NRXN3: variants seen among roughly 807,000 people sequenced by gnomAD.
NRXN3 encodes neurexin 3.
Under a neutral mutation model 137.6 loss-of-function variants are expected in NRXN3, and 32 were observed. That is an observed-to-expected ratio of 0.23 (90% CI 0.18 to 0.31). NRXN3 has a LOEUF of 0.31. NRXN3 is among the 10% of genes least tolerant of loss of function. The pLI is 1.00. For synonymous variants in NRXN3, 798 were observed against 784.5 expected (o/e 1.02, Z -0.29); for missense variants, 1,574 against 2,062.5 (o/e 0.76, Z 4.59).
chr14:79,462,652 C>T (rs1048907146), intron 15 of NRXN3, among the ~76,000 whole-genome samples: 18 of 150,400 alleles, frequency 1.2e-4, no homozygotes, highest in South Asian at 4.2e-4. Context: ...TATATATATA[C>T]ACACACACAC....
intron 4 of NRXN3, among the ~76,000 whole-genome samples, chr14:78,416,123 A>G (rs1410850758): frequency 2.0e-5 from 3 of 152,186 alleles, no homozygotes; most frequent in Non-Finnish European, 4.4e-5. Flanking sequence ...AATGGCATGC[A>G]TGTACTTGAA....
intron 1 of NRXN3, among the ~76,000 whole-genome samples, chr14:78,216,482 A>G (rs1204958022): frequency 6.6e-6 from 1 of 152,060 alleles, no homozygotes; most frequent in Non-Finnish European, 1.5e-5. Context: ...ACTACACAAC[A>G]CAGCAGTGGG....
At chr14:79,456,174 T>C (rs757997354) in intron 15 of NRXN3, among the ~76,000 whole-genome samples, 8 of 152,226 alleles carry the variant, frequency 5.3e-5, no homozygotes, top group Non-Finnish European at 1.0e-4. Flanking sequence ...ACAAGAATAT[T>C]ATCAGTTTAA....
chr14:79,793,149 C>T (rs2099150488), intron 19 of NRXN3, among the ~76,000 whole-genome samples: 1 of 152,002 alleles, frequency 6.6e-6, no homozygotes, highest in African/African-American at 2.4e-5. Context: ...GACCCACAGT[C>T]GGCCGGGCGC....
chr14:79,743,523 C>T (rs118092777), intron 19 of NRXN3, among the ~76,000 whole-genome samples: 1 of 152,264 alleles, frequency 6.6e-6, no homozygotes, highest in Admixed American at 6.5e-5. Context: ...ACCCCCCACC[C>T]CACAACACTT....
At chr14:78,655,062 AG>A (rs957885179) in intron 6 of NRXN3, among the ~76,000 whole-genome samples, 3 of 152,182 alleles carry the variant, frequency 2.0e-5, no homozygotes, top group Admixed American at 1.3e-4. Context: ...GGGTTAGAAA[AG>A]GCTATGAGGG....
chr14:78,553,183 A>G (rs781313191), intron 4 of NRXN3, among the ~76,000 whole-genome samples: 13 of 152,170 alleles, frequency 8.5e-5, no homozygotes, highest in Non-Finnish European at 1.5e-4. Flanking sequence ...GCATGTCTGT[A>G]TCATTTACGC....
At position 78,549,466 on chromosome 14, in the gene NRXN3, C is replaced by G. The variant is rs918269; in HGVS notation, c.758-95654C>G. On this transcript the variant is annotated intron_variant, in intron 4 of 20. Transcript: ENST00000335750. ...CCCTTCACCAAACTGCCACAACAAC[C>G]TGTGTGAATCTTGATCACCAAGCTT... 5.5e-3 allele frequency among the ~76,000 whole-genome samples: 840 copies of G among 152,272 alleles called. 47 individuals carry two copies. The East Asian group carries it at 0.11, about 20-fold the overall frequency.
chr14:78,381,721 C>T (rs2089162954), intron 4 of NRXN3, among the ~76,000 whole-genome samples: 1 of 152,130 alleles, frequency 6.6e-6, no homozygotes, highest in Non-Finnish European at 1.5e-5. Flanking sequence ...AACCATGGTA[C>T]ATCTATACTT....
rs183394639 is a variant in NRXN3 at position 79,837,187 on chromosome 14, G to T, written c.4094-24155G>T. On this transcript the variant is annotated intron_variant, in intron 20 of 20. Coordinates refer to ENST00000335750, the MANE Select transcript of NRXN3 (RefSeq NM_001330195.2). Reference sequence around the variant, plus strand: ...GCTTCCATTAATGTAATGATATAGTGTTAGGAAGACAGTATCTACAGTCCA... The same window carrying T: ...GCTTCCATTAATGTAATGATATAGTTTTAGGAAGACAGTATCTACAGTCCA... Among the ~76,000 whole-genome samples the T allele has an allele frequency of 2.6e-4, 39 of 152,212 alleles. 1 individual carries two copies. In the East Asian group the frequency reaches 7.5e-3, roughly 29 times the overall value.
intron 16 of NRXN3, among the ~76,000 whole-genome samples, chr14:79,646,909 T>C (rs1331519243): frequency 7.4e-6 from 1 of 135,876 alleles, no homozygotes; most frequent in South Asian, 2.3e-4. Flanking sequence ...AGGGCTTTTC[T>C]TCCTGGGCTG....
intron 15 of NRXN3, among the ~76,000 whole-genome samples, chr14:79,412,115 T>A (rs2095425264): frequency 6.6e-6 from 1 of 151,832 alleles, no homozygotes; most frequent in African/African-American, 2.4e-5. Flanking sequence ...AGCAGGAGAG[T>A]GAAATGTAAA....
chr14:78,696,072 T>C (rs1325114563), intron 6 of NRXN3, among the ~76,000 whole-genome samples: 4 of 152,080 alleles, frequency 2.6e-5, no homozygotes, highest in African/African-American at 7.2e-5. Flanking sequence ...TAATCTGCTA[T>C]CTTAAGCCAC....
At chr14:79,827,387 A>G (rs947448511) in intron 20 of NRXN3, among the ~76,000 whole-genome samples, 8 of 152,202 alleles carry the variant, frequency 5.3e-5, no homozygotes, top group African/African-American at 1.4e-4. Context: ...GAACATTAGA[A>G]AAAGTCAGCC....
intron 10 of NRXN3, among the ~76,000 whole-genome samples, chr14:78,821,054 A>G (rs1005410464): frequency 2.6e-5 from 4 of 152,196 alleles, no homozygotes; most frequent in Non-Finnish European, 1.5e-5. Flanking sequence ...TCTTCATCAT[A>G]TGAGTACTCT....
chr14:78,404,205 CTTT>C (rs61577048), intron 4 of NRXN3, among the ~76,000 whole-genome samples: 266 of 142,150 alleles, frequency 1.9e-3, no homozygotes, highest in African/African-American at 1.8e-3. Flanking sequence ...CCCTATTTTC[CTTT>C]TTTTTTTTTT....
intron 16 of NRXN3, among the ~76,000 whole-genome samples, chr14:79,481,091 A>C (rs902907204): frequency 2.6e-5 from 4 of 152,098 alleles, no homozygotes; most frequent in African/African-American, 9.7e-5. Flanking sequence ...TTGGGATCCA[A>C]GAGTGAAAAG....
At chr14:79,637,764 C>G (rs1183181280) in intron 16 of NRXN3, among the ~76,000 whole-genome samples, 2 of 95,088 alleles carry the variant, frequency 2.1e-5, no homozygotes, top group Non-Finnish European at 3.9e-5. Context: ...GAGTCTTGCT[C>G]TAGCACACAG....
chr14:79,466,007 T>C (rs1454562485), intron 15 of NRXN3, among the ~76,000 whole-genome samples: 2 of 152,258 alleles, frequency 1.3e-5, no homozygotes, highest in African/African-American at 4.8e-5. Flanking sequence ...ATTTTCTTTA[T>C]TTTTATTCCC....
Sources: allele counts gnomAD v4.1 joint callset (sites outside exome capture counted in the v4.1 genomes callset), GRCh38; gene constraint gnomAD v4.1.1; transcripts MANE v1.5; gene names NCBI Gene and HGNC (gene_info 2026-07-23, HGNC 2026-07-21).